Variants in SHISA9 observed in about 807,000 individuals in gnomAD.
The protein encoded by SHISA9 is protein shisa-9.
SHISA9 carries 13 observed loss-of-function variants against 38.0 expected under a neutral mutation model. That is an observed-to-expected ratio of 0.34 (90% confidence interval 0.22 to 0.54). The LOEUF (loss-of-function observed/expected upper bound fraction) is 0.54, where lower values mean the gene tolerates loss of function less well. SHISA9 is among the 20% of genes least tolerant of loss of function. The probability of loss-of-function intolerance (pLI) is 0.91; values close to 1 mark genes in which losing one functional copy is unlikely to be tolerated. For synonymous variants in SHISA9, 275 were observed against 242.0 expected (o/e 1.14, Z -1.27); for missense variants, 538 against 575.8 (o/e 0.93, Z 0.67).
At chr16:12,920,788 T>C (rs1220046051) in intron 2 of SHISA9, among the ~76,000 whole-genome samples, 1 of 152,210 alleles carries the variant, frequency 6.6e-6, no homozygotes, top group Non-Finnish European at 1.5e-5. Context: ...TTAGCTAAAC[T>C]GTAGACATGT....
At chr16:12,999,383 A>C (rs1031991970) in intron 2 of SHISA9, among the ~76,000 whole-genome samples, 4 of 152,190 alleles carry the variant, frequency 2.6e-5, no homozygotes, top group Non-Finnish European at 4.4e-5. Flanking sequence ...TGTGTGGTTC[A>C]GACTTTTTTC....
chr16:13,023,924 A>C (rs545449093), intron 2 of SHISA9, among the ~76,000 whole-genome samples: 23 of 152,232 alleles, frequency 1.5e-4, no homozygotes, highest in Non-Finnish European at 3.2e-4. Context: ...GGTAAAACAC[A>C]AAGATGGGAA....
At chr16:13,007,594 G>T (rs184996339) in intron 2 of SHISA9, among the ~76,000 whole-genome samples, 44 of 152,276 alleles carry the variant, frequency 2.9e-4, no homozygotes, top group Admixed American at 2.4e-3. Context: ...TGACCCTAGG[G>T]TGAGAACCCA....
At chr16:12,938,408 C>T (rs2071561859) in intron 2 of SHISA9, among the ~76,000 whole-genome samples, 1 of 152,166 alleles carries the variant, frequency 6.6e-6, no homozygotes, top group Admixed American at 6.5e-5. Flanking sequence ...TTCTTCCACT[C>T]CCATGACTCT....
the SHISA9 span, among the ~76,000 whole-genome samples, chr16:13,294,882 A>T: frequency 1.3e-5 from 2 of 152,210 alleles, no homozygotes; most frequent in East Asian, 1.9e-4. Context: ...GCACGTCCAG[A>T]GTTAATAGCC....
At chr16:13,177,625 C>T (rs2050742817) in intron 2 of SHISA9, among the ~76,000 whole-genome samples, 1 of 151,942 alleles carries the variant, frequency 6.6e-6, no homozygotes, top group South Asian at 2.1e-4. Flanking sequence ...AGATTACTGG[C>T]TCCTGGAGGC....
intron 2 of SHISA9, among the ~76,000 whole-genome samples, chr16:12,977,983 A>G (rs1287931244): frequency 6.6e-6 from 1 of 152,086 alleles, no homozygotes; most frequent in Non-Finnish European, 1.5e-5. Context: ...TAAAATTTTA[A>G]AAAAAAGAAA....
At chr16:13,168,858 A>G (rs2050660723) in intron 2 of SHISA9, among the ~76,000 whole-genome samples, 1 of 152,216 alleles carries the variant, frequency 6.6e-6, no homozygotes, top group Non-Finnish European at 1.5e-5. Flanking sequence ...TTTACCTCTA[A>G]GAGTAGGCAT....
At chr16:13,049,586 G>A (rs2073227553) in intron 2 of SHISA9, among the ~76,000 whole-genome samples, 3 of 152,066 alleles carry the variant, frequency 2.0e-5, no homozygotes, top group Admixed American at 2.0e-4. Context: ...TGCATGTGTT[G>A]TAACAAAAAC....
chr16:13,512,404 A>G, the SHISA9 span, among the ~76,000 whole-genome samples: 1 of 152,210 alleles, frequency 6.6e-6, no homozygotes, highest in South Asian at 2.1e-4. Flanking sequence ...AGATAGAATC[A>G]ATATCGTGAA....
At chr16:12,959,651 C>T (rs1232627479) in intron 2 of SHISA9, among the ~76,000 whole-genome samples, 1 of 152,146 alleles carries the variant, frequency 6.6e-6, no homozygotes, top group African/African-American at 2.4e-5. Context: ...CTCCTTAACT[C>T]ATCATTTCAT....
At position 12,962,527 on chromosome 16, in the gene SHISA9, A is replaced by T. The variant is rs571649326; in HGVS notation, c.691+45712A>T. Among the ~76,000 whole-genome samples, 82 of 152,322 alleles carry T rather than the reference A, an allele frequency of 5.4e-4. 1 individual carries two copies. The highest frequency in any genetic ancestry group is 1.9e-3 in the African/African-American group (79 of 41,590). ...AGAATATCATGAGGGTGGAGCTCCC[A>T]TGAGGGAATTAGTGCCCCTATAAGA... On this transcript the variant is annotated intron_variant, in intron 2 of 4. Transcript: ENST00000558583.
At chr16:13,479,313 C>T in the SHISA9 span, among the ~76,000 whole-genome samples, 1 of 152,146 alleles carries the variant, frequency 6.6e-6, no homozygotes, top group Non-Finnish European at 1.5e-5. Context: ...GCCACTTTTG[C>T]CATGTAGGTA....
the SHISA9 span, among the ~76,000 whole-genome samples, chr16:13,294,900 T>C: frequency 6.6e-6 from 1 of 152,186 alleles, no homozygotes; most frequent in African/African-American, 2.4e-5. Context: ...GCCAACATAG[T>C]GCAGTAACCG....
At chr16:13,078,360 ATTGT>A (rs1297120457) in intron 2 of SHISA9, among the ~76,000 whole-genome samples, 1 of 152,072 alleles carries the variant, frequency 6.6e-6, no homozygotes. Flanking sequence ...GTTGCACTGT[ATTGT>A]TTATTTGTAT....
intron 2 of SHISA9, among the ~76,000 whole-genome samples, chr16:13,019,489 T>C (rs1359482331): frequency 1.3e-5 from 2 of 151,402 alleles, no homozygotes; most frequent in African/African-American, 4.9e-5. Context: ...AAAAAATTAT[T>C]ATTGTGGTTA....
intron 2 of SHISA9, among the ~76,000 whole-genome samples, chr16:12,992,291 G>A (rs150617450): frequency 0.022 from 3,308 of 151,148 alleles, 114 homozygotes; most frequent in African/African-American, 0.075. Flanking sequence ...TTGGGAGGCC[G>A]AGGCAGGTGG....
chr16:13,370,634 T>A, the SHISA9 span, among the ~76,000 whole-genome samples: 3 of 152,032 alleles, frequency 2.0e-5, no homozygotes, highest in South Asian at 6.2e-4. Flanking sequence ...GTCATAAAAA[T>A]GTCTTGTTCA....
At chr16:12,991,222 T>C (rs1356492216) in intron 2 of SHISA9, among the ~76,000 whole-genome samples, 2 of 152,246 alleles carry the variant, frequency 1.3e-5, no homozygotes, top group Non-Finnish European at 2.9e-5. Flanking sequence ...TTGTAAGGGA[T>C]TTTAATTGAT....
Sources: gnomAD v4.1 joint callset for allele counts (sites outside exome capture counted in the v4.1 genomes callset) on GRCh38, gnomAD v4.1.1 for gene constraint, MANE v1.5 for transcripts, NCBI Gene and HGNC (gene_info 2026-07-23, HGNC 2026-07-21) for gene names.